Variants in KLHL22 observed in about 807,000 individuals in gnomAD.
KLHL22 encodes kelch-like protein 22.
KLHL22 carries 18 observed loss-of-function variants against 60.7 expected under a neutral mutation model. The ratio of observed to expected loss-of-function variants is 0.30; its 90% CI spans 0.20 to 0.44. KLHL22 has a LOEUF of 0.44. Among genes scored for constraint, KLHL22 ranks in the 20% least tolerant of loss-of-function variants. The pLI is 1.00. For missense variants in KLHL22, 596 were observed against 852.3 expected (o/e 0.70, Z 3.74); for synonymous variants, 355 against 354.5 (o/e 1.00, Z -0.01).
chr22:20,462,601 C>G (rs903596811), intron 4 of KLHL22, among the ~76,000 whole-genome samples: 1 of 151,100 alleles, frequency 6.6e-6, no homozygotes. Flanking sequence ...CTCAAAAGAT[C>G]CTGCTGCCTC....
chr22:20,460,347 G>A (rs1454392858), intron 4 of KLHL22, among the ~76,000 whole-genome samples: 1 of 152,068 alleles, frequency 6.6e-6, no homozygotes, highest in Admixed American at 6.5e-5. Context: ...GGTGGCTCAC[G>A]CCTGTAATCC....
At chr22:20,444,627 G>GA (rs937290994) in intron 6 of KLHL22, among the ~76,000 whole-genome samples, 1 of 152,118 alleles carries the variant, frequency 6.6e-6, no homozygotes, top group Non-Finnish European at 1.5e-5. Context: ...CAAAATACCT[G>GA]AAAAGCTCAA....
At chr22:20,461,303 C>T (rs1439040144) in intron 4 of KLHL22, among the ~76,000 whole-genome samples, 1 of 152,114 alleles carries the variant, frequency 6.6e-6, no homozygotes, top group African/African-American at 2.4e-5. Context: ...CCTGTAATCC[C>T]AGCACTTTGG....
At chr22:20,443,080 A>C (rs149988395) in intron 6 of KLHL22, among the ~76,000 whole-genome samples, 100 of 152,320 alleles carry the variant, frequency 6.6e-4, no homozygotes, top group Admixed American at 1.0e-3. Flanking sequence ...ACTAGCAACC[A>C]CTGCAGAGAA....
intron 5 of KLHL22, chr22:20,456,100 T>C (rs2053058635): frequency 6.6e-6 from 1 of 152,228 alleles, no homozygotes. Context: ...CCTCTGTAAA[T>C]GGCAGGTCTA....
chr22:20,469,593 C>A (rs766165855), intron 3 of KLHL22, among the ~76,000 whole-genome samples: 2 of 152,080 alleles, frequency 1.3e-5, no homozygotes, highest in African/African-American at 2.4e-5. Flanking sequence ...GTTGTAAAAG[C>A]CAACTCCATC....
chr22:20,443,145 T>TATC (rs2052791958), intron 6 of KLHL22, among the ~76,000 whole-genome samples: 1 of 152,220 alleles, frequency 6.6e-6, no homozygotes, highest in Non-Finnish European at 1.5e-5. Flanking sequence ...TACTACTATG[T>TATC]ATCTGTCTGA....
At chr22:20,493,960 G>A (rs2053728538) in intron 1 of KLHL22, among the ~76,000 whole-genome samples, 1 of 152,162 alleles carries the variant, frequency 6.6e-6, no homozygotes, top group Non-Finnish European at 1.5e-5. Flanking sequence ...CTACTGGGAA[G>A]GCTGAGGAAG....
chr22:20,461,896 C>G (rs1222284484), intron 4 of KLHL22, among the ~76,000 whole-genome samples: 3 of 152,080 alleles, frequency 2.0e-5, no homozygotes, highest in Non-Finnish European at 4.4e-5. Flanking sequence ...GTCAGGAGTT[C>G]AAGACCAGCT....
intron 4 of KLHL22, among the ~76,000 whole-genome samples, chr22:20,459,736 A>C (rs905552141): frequency 1.3e-5 from 2 of 152,326 alleles, no homozygotes; most frequent in African/African-American, 4.8e-5. Context: ...CACTCTACCA[A>C]CATTCCCAGG....
chr22:20,450,090 G>A, intron 5 of KLHL22: 5 of 758,346 alleles, frequency 6.6e-6, no homozygotes, highest in South Asian at 1.4e-5. Flanking sequence ...AGAATCCAAG[G>A]ACCTATTTTT....
In KLHL22 at chr22:20,489,237, A is replaced by G. The variant is rs1475571935; in HGVS notation, c.-26T>C. ...CCTGACAGCCACAAGATCCCTTACA[A>G]CTGTGGCCTGACAGTTGGCAAAACA... On this transcript the variant is annotated 5_prime_UTR_variant, in exon 2 of 7. Coordinates refer to ENST00000328879, the MANE Select transcript of KLHL22 (RefSeq NM_032775.4). 6.2e-7 allele frequency: 1 copy of G among 1,612,274 alleles called. No homozygotes were observed. The highest frequency in any genetic ancestry group is 1.7e-5 in the Admixed American group (1 of 59,994).
rs144572222 is a variant in KLHL22 at position 20,442,169 on chromosome 22, G to A, written c.1809C>T (p.Arg603=). The change falls in exon 7 of 7, where the codon CGC becomes CGT. Residue 603 remains arginine, a synonymous_variant. Coordinates refer to ENST00000328879, the MANE Select transcript of KLHL22 (RefSeq NM_032775.4). ...LPRSLLLEPP[R]GTPDRSQADP... is the part of the protein sequence containing the mutation. The stretch of plus-strand genomic sequence containing the variant: ...CGGCCTGGCTGCGGTCAGGGGTCCC[G>A]CGGGGCGGCTCAAGGAGCAGGGAGC... 7.9e-5 allele frequency: 123 copies of A among 1,559,634 alleles called. No individual in the cohort carries two copies. The highest frequency in any genetic ancestry group is 2.9e-4 in the African/African-American group (21 of 73,454).
intron 5 of KLHL22, chr22:20,451,274 G>A: frequency 6.2e-7 from 1 of 1,605,906 alleles, no homozygotes; most frequent in Admixed American, 1.7e-5. Context: ...GTCTCTGGAG[G>A]CTTTGATGGA....
chr22:20,462,635 T>G (rs989822295), intron 4 of KLHL22, among the ~76,000 whole-genome samples: 1 of 151,942 alleles, frequency 6.6e-6, no homozygotes, highest in Admixed American at 6.6e-5. Context: ...GCTGGGATTA[T>G]TGACATGATC....
At chr22:20,486,453 C>G (rs1288628914) in intron 2 of KLHL22, among the ~76,000 whole-genome samples, 5 of 152,118 alleles carry the variant, frequency 3.3e-5, no homozygotes, top group African/African-American at 1.2e-4. Context: ...CATCGTCCCA[C>G]AGGAATGACA....
intron 2 of KLHL22, chr22:20,481,024 G>T (rs1003500350): frequency 1.3e-5 from 2 of 151,366 alleles, no homozygotes; most frequent in Non-Finnish European, 2.9e-5. Context: ...GTAGAGACGG[G>T]GTTTCACCAT....
chr22:20,448,653 C>G (rs1001017040), intron 5 of KLHL22, among the ~76,000 whole-genome samples: 1 of 152,188 alleles, frequency 6.6e-6, no homozygotes, highest in African/African-American at 2.4e-5. Flanking sequence ...CAACCTCTGC[C>G]TCCCGGGTTC....
intron 5 of KLHL22, among the ~76,000 whole-genome samples, chr22:20,453,774 G>A (rs981240183): frequency 4.0e-5 from 6 of 151,886 alleles, no homozygotes; most frequent in Non-Finnish European, 5.9e-5. Flanking sequence ...TCACTCTGTC[G>A]CCCAGGCTGG....
Sources: gnomAD v4.1 joint callset for allele counts (sites outside exome capture counted in the v4.1 genomes callset) on GRCh38, gnomAD v4.1.1 for gene constraint, MANE v1.5 for transcripts, NCBI Gene and HGNC (gene_info 2026-07-23, HGNC 2026-07-21) for gene names.